Variants in CTNNA2 observed in about 807,000 individuals in gnomAD.
The protein encoded by CTNNA2 is catenin alpha 2, also known as catenin alpha-2.
CTNNA2 carries 42 observed loss-of-function variants against 101.0 expected under a neutral mutation model. The ratio of observed to expected loss-of-function variants is 0.42; its 90% CI spans 0.32 to 0.54. The LOEUF is 0.54. Among genes scored for constraint, CTNNA2 ranks in the 20% least tolerant of loss-of-function variants. The pLI is 0.14. For synonymous variants in CTNNA2, 450 were observed against 456.4 expected (o/e 0.99, Z 0.18); for missense variants, 871 against 1,223.1 (o/e 0.71, Z 4.29).
At chr2:80,135,789 A>G (rs1274245372) in intron 7 of CTNNA2, among the ~76,000 whole-genome samples, 2 of 152,112 alleles carry the variant, frequency 1.3e-5, no homozygotes, top group Admixed American at 6.6e-5. Flanking sequence ...TCCCTGAAAG[A>G]GTTATATCCT....
chr2:79,299,747 G>T (rs553540485), intron 2 of CTNNA2, among the ~76,000 whole-genome samples: 8 of 152,258 alleles, frequency 5.3e-5, no homozygotes, highest in African/African-American at 1.9e-4. Flanking sequence ...GACTCTAATG[G>T]TTGAAAAAGT....
intron 12 of CTNNA2, among the ~76,000 whole-genome samples, chr2:80,562,476 T>G (rs1693695849): frequency 6.6e-6 from 1 of 152,190 alleles, no homozygotes; most frequent in South Asian, 2.1e-4. Flanking sequence ...ATATACTCTG[T>G]TAAGGATTAG....
At chr2:80,446,946 G>A (rs1341877596) in intron 9 of CTNNA2, among the ~76,000 whole-genome samples, 1 of 152,022 alleles carries the variant, frequency 6.6e-6, no homozygotes, top group African/African-American at 2.4e-5. Flanking sequence ...GAAGGCAAAT[G>A]TATTCTGATT....
chr2:80,102,084 G>A (rs1558810208), intron 7 of CTNNA2, among the ~76,000 whole-genome samples: 1 of 152,146 alleles, frequency 6.6e-6, no homozygotes, highest in Admixed American at 6.5e-5. Context: ...GTGTGGCTTT[G>A]CTCCCTCTTG....
intron 18 of CTNNA2, among the ~76,000 whole-genome samples, chr2:80,619,663 G>A (rs548211921): frequency 6.6e-6 from 1 of 151,954 alleles, no homozygotes. Context: ...AACTGTGGAG[G>A]TTAAAATGTG....
intron 9 of CTNNA2, among the ~76,000 whole-genome samples, chr2:80,430,450 T>G (rs897815894): frequency 1.3e-5 from 2 of 152,194 alleles, no homozygotes; most frequent in Non-Finnish European, 2.9e-5. Context: ...AGATGATGGA[T>G]GAGTGACAGA....
In CTNNA2 at chr2:79,354,688, T is replaced by C. The variant is rs573632336; in HGVS notation, c.-317-19143T>C. 2.0e-5 allele frequency among the ~76,000 whole-genome samples: 3 copies of C among 152,206 alleles called. No individual in the cohort carries two copies. In the South Asian group the frequency reaches 6.2e-4, roughly 32 times the overall value. Reference sequence around the variant, plus strand: ...AGGCTCCCTGCCAGCTTAACTATCCTTGGGCATCATGAGATCTGTTGCACC... The same window carrying C: ...AGGCTCCCTGCCAGCTTAACTATCCCTGGGCATCATGAGATCTGTTGCACC... On this transcript the variant is annotated intron_variant, in intron 3 of 21. Transcript: ENST00000466387.
intron 1 of CTNNA2, among the ~76,000 whole-genome samples, chr2:79,533,520 A>G (rs1397889754): frequency 6.6e-6 from 1 of 152,138 alleles, no homozygotes; most frequent in Admixed American, 6.6e-5. Flanking sequence ...CTGAGTTCCC[A>G]TGGGTTGTAT....
At chr2:80,097,464 G>A (rs1700229232) in intron 7 of CTNNA2, among the ~76,000 whole-genome samples, 1 of 152,100 alleles carries the variant, frequency 6.6e-6, no homozygotes, top group South Asian at 2.1e-4. Flanking sequence ...CAACTTTGGT[G>A]AATCTGACAA....
At chr2:79,931,155 C>T (rs1687413151) in intron 7 of CTNNA2, among the ~76,000 whole-genome samples, 2 of 152,122 alleles carry the variant, frequency 1.3e-5, no homozygotes, top group South Asian at 4.1e-4. Flanking sequence ...ATATCCTGCA[C>T]AATGCAACTG....
At chr2:79,957,569 G>A (rs1236192387) in intron 7 of CTNNA2, among the ~76,000 whole-genome samples, 1 of 152,112 alleles carries the variant, frequency 6.6e-6, no homozygotes, top group African/African-American at 2.4e-5. Context: ...CCTCTTCAGG[G>A]CCAGGAGTAA....
At chr2:79,481,363 C>G (rs1671107942) in intron 4 of CTNNA2, among the ~76,000 whole-genome samples, 1 of 152,140 alleles carries the variant, frequency 6.6e-6, no homozygotes, top group Non-Finnish European at 1.5e-5. Context: ...CTGTCTCCTA[C>G]TTTCTCATTT....
In CTNNA2 at chr2:80,305,241, GGAGAGGGGAAAT is replaced by G. The variant is rs1416699560; in HGVS notation, c.1057-87968_1057-87957del. 4 of 985,128 alleles carry G rather than the reference GGAGAGGGGAAAT, an allele frequency of 4.1e-6. No individual in the cohort carries two copies. The African/African-American group carries it at 7.0e-5, about 17-fold the overall frequency. 61.0% of individuals were successfully genotyped at this position (985,128 alleles called of 1,614,324 possible). On this transcript the variant is annotated intron_variant, in intron 7 of 18. Coordinates refer to ENST00000402739, the MANE Select transcript of CTNNA2 (RefSeq NM_001282597.3). ...CAGTCAGCCAGCCCTTTTTTGAGGT[GGAGAGGGGAAAT>G]GCTTTCCAAACCCACCTAGTTTGGG...
At chr2:79,477,168 C>CTTTTTTTTT (rs5832392) in intron 4 of CTNNA2, among the ~76,000 whole-genome samples, 542 of 123,058 alleles carry the variant, frequency 4.4e-3, no homozygotes, top group East Asian at 6.8e-3. Context: ...TCTTTTTTTT[C>CTTTTTTTTT]TTTTTTTTTT....
chr2:79,771,001 G>T (rs1673530944), intron 3 of CTNNA2, among the ~76,000 whole-genome samples: 1 of 152,312 alleles, frequency 6.6e-6, no homozygotes, highest in African/African-American at 2.4e-5. Flanking sequence ...AGATCAAGCT[G>T]GTTGGCCTCT....
chr2:79,897,475 A>G (rs994576762), intron 6 of CTNNA2, among the ~76,000 whole-genome samples: 1 of 152,220 alleles, frequency 6.6e-6, no homozygotes, highest in African/African-American at 2.4e-5. Context: ...GATGTTTAAT[A>G]TCTATAACTC....
chr2:80,238,710 A>C (rs896681798), intron 7 of CTNNA2, among the ~76,000 whole-genome samples: 1 of 152,218 alleles, frequency 6.6e-6, no homozygotes, highest in African/African-American at 2.4e-5. Context: ...TTGCTCTGAA[A>C]GAGAAATAGA....
chr2:80,191,501 C>T (rs1706499884), intron 7 of CTNNA2, among the ~76,000 whole-genome samples: 1 of 152,136 alleles, frequency 6.6e-6, no homozygotes, highest in Non-Finnish European at 1.5e-5. Flanking sequence ...CTCACTTCTT[C>T]CCATTCAGAT....
At chr2:80,601,698 A>T (rs1462927649) in intron 15 of CTNNA2, 1 of 151,208 alleles carries the variant, frequency 6.6e-6, no homozygotes, top group Non-Finnish European at 1.5e-5. Flanking sequence ...TATATTTTCT[A>T]TATCTTTTTG....
Sources: allele counts gnomAD v4.1 joint callset (sites outside exome capture counted in the v4.1 genomes callset), GRCh38; gene constraint gnomAD v4.1.1; transcripts MANE v1.5; gene names NCBI Gene and HGNC (gene_info 2026-07-23, HGNC 2026-07-21).